TTLL8: variants seen among roughly 807,000 people sequenced by gnomAD.
TTLL8 encodes the protein tubulin tyrosine ligase like 8, also known as protein monoglycylase TTLL8.
A neutral mutation model predicts 77.8 loss-of-function variants in TTLL8; 65 were observed. The ratio of observed to expected loss-of-function variants is 0.84; its 90% CI spans 0.68 to 1.03. The LOEUF (loss-of-function observed/expected upper bound fraction) is 1.03. Among genes scored for constraint, TTLL8 ranks in the 50% least tolerant of loss-of-function variants. The pLI is 0.00. For missense variants in TTLL8, 910 were observed against 1,004.5 expected (o/e 0.91, Z 1.27); for synonymous variants, 402 against 422.8 (o/e 0.95, Z 0.60).
At chr22:50,030,809 C>G (rs751222403) in exon 12 of TTLL8, 4 of 1,349,394 alleles carry the variant, frequency 3.0e-6, no homozygotes, top group Non-Finnish European at 3.9e-6. Context: ...GCGCGTCCAA[C>G]AGCGAGGCCG....
intron 12 of TTLL8, chr22:50,030,136 C>G: frequency 1.0e-6 from 1 of 981,408 alleles, no homozygotes; most frequent in Non-Finnish European, 1.2e-6. Context: ...CGCGCCACAC[C>G]CCAGAGGTAT....
In TTLL8 at chr22:50,044,488, C is replaced by T. The variant is rs938161526; in HGVS notation, c.643+767G>A. 1.9e-4 allele frequency among the ~76,000 whole-genome samples: 29 copies of T among 152,330 alleles called. No homozygotes were observed. The highest frequency in any genetic ancestry group is 5.8e-4 in the African/African-American group (24 of 41,580). On this transcript the variant is annotated intron_variant, in intron 6 of 13. Transcript: ENST00000266182. The surrounding 1 kb of genome is among the most constrained non-coding windows in gnomAD (Gnocchi z 4.2). ...TCTCACTCAGCACAAATGAAGCCAC[C>T]GCTCCAGCGTTCACCAATCAGGATT...
chr22:50,047,913 C>T (rs766569981), intron 3 of TTLL8, among the ~76,000 whole-genome samples: 12 of 152,174 alleles, frequency 7.9e-5, no homozygotes, highest in Non-Finnish European at 1.5e-4. Context: ...GCCTGACCAA[C>T]ATGGTGAAAC....
chr22:50,052,404 A>C (rs1452524674), intron 1 of TTLL8, among the ~76,000 whole-genome samples: 3 of 152,242 alleles, frequency 2.0e-5, no homozygotes, highest in Non-Finnish European at 4.4e-5. Context: ...CCAACAGGTA[A>C]GAGAGGGGAA....
intron 12 of TTLL8, among the ~76,000 whole-genome samples, chr22:50,020,594 C>T (rs71316567): frequency 1.5e-4 from 22 of 143,838 alleles, no homozygotes; most frequent in African/African-American, 3.9e-4. Flanking sequence ...CTCCATTTGA[C>T]GTGAACTCCT....
chr22:50,058,196 T>C (rs2061497377), upstream of TTLL8, among the ~76,000 whole-genome samples: 1 of 151,470 alleles, frequency 6.6e-6, no homozygotes, highest in Non-Finnish European at 1.5e-5. This position sits in a 1 kb window ranked among gnomAD's most constrained non-coding sequence, Gnocchi z 4.2. Context: ...CCCGGCTTCC[T>C]GGGGTTGCCT....
At chr22:50,047,328 G>T in intron 3 of TTLL8, 32 bp from the exon 6 acceptor site, 2 of 1,364,034 alleles carry the variant, frequency 1.5e-6, no homozygotes, top group Non-Finnish European at 9.8e-7. Flanking sequence ...TTGATGCCCA[G>T]CATTCAAGGT....
rs572988449 is a variant in TTLL8, at chr22:50,045,423, C to T, written c.509-34G>A. 13 of 1,358,528 alleles carry T rather than the reference C, an allele frequency of 9.6e-6. No homozygotes were observed. The African/African-American group carries it at 1.0e-4, about 11-fold the overall frequency. 84.2% of individuals were successfully genotyped at this position (1,358,528 alleles called of 1,614,324 possible). On this transcript the variant is annotated intron_variant, in intron 5 of 13. Coordinates refer to ENST00000266182, the Ensembl canonical transcript of TTLL8. The stretch of plus-strand genomic sequence containing the variant: ...ACAGCACAGCCTCGCCCTATCTGTC[C>T]GAGCCAGGACTGGGGACTGGAGATG...
In TTLL8 at chr22:50,041,858, C is replaced by A; in HGVS notation, c.644-51G>T. On this transcript the variant is annotated intron_variant, in intron 6 of 13. Coordinates refer to ENST00000266182, the Ensembl canonical transcript of TTLL8. This position sits in a 1 kb window ranked among gnomAD's most constrained non-coding sequence, Gnocchi z 4.3. ...AGTGGGAACCTCACCCAGGGGCAGC[C>A]CTGCCCGCCTCGAGGGGTGATGTCT... is the stretch of plus-strand genomic sequence containing the variant. 7.6e-7 allele frequency: 1 copy of A among 1,309,898 alleles called. No individual in the cohort carries two copies. Among genetic ancestry groups the A allele is most frequent in the Non-Finnish European group, 1.0e-6 (1 of 997,884 alleles). 81.1% of individuals were successfully genotyped at this position (1,309,898 alleles called of 1,614,324 possible). A position where few individuals can be genotyped will look rare whatever the true frequency, so the allele number is the denominator to read the frequency against.
At chr22:50,039,475 C>T (rs1050858360) in intron 8 of TTLL8, among the ~76,000 whole-genome samples, 3 of 152,140 alleles carry the variant, frequency 2.0e-5, no homozygotes, top group Non-Finnish European at 4.4e-5. Context: ...AATTCTAACC[C>T]ACAGATCAAA....
intron 6 of TTLL8, among the ~76,000 whole-genome samples, chr22:50,043,398 CGTCCTTCGGTAGATGGATAGATAGATAA>C (rs2061386128): frequency 2.2e-5 from 1 of 46,370 alleles, no homozygotes; most frequent in Admixed American, 2.2e-4. Context: ...GGTGCCGAGA[CGTCCTTCGGTAGATGGATAGATAGATAA>C]ACAGTGGTGC....
At chr22:50,045,599 C>T (rs1003932240) in intron 5 of TTLL8, among the ~76,000 whole-genome samples, 15 of 152,196 alleles carry the variant, frequency 9.9e-5, no homozygotes, top group African/African-American at 2.9e-4. Context: ...CCTCGGCCTC[C>T]GACCACGGAG....
At chr22:50,033,628 A>T (rs1422509869) in intron 9 of TTLL8, among the ~76,000 whole-genome samples, 183 bp from the exon 11 acceptor site, 1 of 152,236 alleles carries the variant, frequency 6.6e-6, no homozygotes, top group Non-Finnish European at 1.5e-5. Flanking sequence ...CTCATGGATG[A>T]GGCTAAAGCC....
chr22:50,030,528 C>G (rs746286485), exon 12 of TTLL8: 2 of 1,331,182 alleles, frequency 1.5e-6, no homozygotes, highest in Non-Finnish European at 2.0e-6. Context: ...TGGATCCCAG[C>G]TTTTGGCGGG....
intron 2 of TTLL8, 117 bp downstream of exon 4, chr22:50,049,992 C>A (rs1009095294): frequency 8.4e-7 from 1 of 1,197,358 alleles, no homozygotes; most frequent in Non-Finnish European, 1.1e-6. Context: ...GTCGGAGATA[C>A]CCCATCACGC....
At chr22:50,021,163 T>TGAC (rs2061195638) in intron 12 of TTLL8, among the ~76,000 whole-genome samples, 1 of 132,742 alleles carries the variant, frequency 7.5e-6, no homozygotes. Flanking sequence ...CTCCATCTGA[T>TGAC]GTGCACTCCT....
At chr22:50,047,100 A>C in intron 4 of TTLL8, 68 bp downstream of exon 6, 2 of 1,342,514 alleles carry the variant, frequency 1.5e-6, no homozygotes, top group Non-Finnish European at 2.0e-6. Context: ...GAGGGTCCCT[A>C]ATGGCTGCAG....
At chr22:50,020,635 C>A (rs903516412) in intron 12 of TTLL8, among the ~76,000 whole-genome samples, 3 of 134,766 alleles carry the variant, frequency 2.2e-5, no homozygotes, top group Admixed American at 1.5e-4. Context: ...CTCCATCTGA[C>A]AACGTGCACT....
At chr22:50,055,847 T>C (rs1045521254), upstream of TTLL8, among the ~76,000 whole-genome samples, 3 of 152,050 alleles carry the variant, frequency 2.0e-5, no homozygotes, top group African/African-American at 7.3e-5. Context: ...CCAGAGCGAC[T>C]CCATCTTGAA....
Sources: gnomAD v4.1 joint callset for allele counts (sites outside exome capture counted in the v4.1 genomes callset) on GRCh38, gnomAD v4.1.1 for gene constraint, Gnocchi (gnomAD v3.1) non-coding constraint, MANE v1.5 for transcripts, NCBI Gene and HGNC (gene_info 2026-07-23, HGNC 2026-07-21) for gene names.